Variants in NXPH1 observed in about 807,000 individuals in gnomAD.
The protein encoded by NXPH1 is neurexophilin 1, also known as neurexophilin-1.
A neutral mutation model predicts 23.7 loss-of-function variants in NXPH1; 5 were observed. That is an observed-to-expected ratio of 0.21 (90% CI 0.11 to 0.44). The LOEUF is 0.44. Among genes scored for constraint, NXPH1 ranks in the 20% least tolerant of loss-of-function variants. The pLI, the probability that NXPH1 is intolerant of heterozygous loss-of-function variation, is 0.99. For synonymous variants in NXPH1, 144 were observed against 122.2 expected (o/e 1.18, Z -1.18); for missense variants, 324 against 321.6 (o/e 1.01, Z -0.06).
chr7:8,694,541 T>C (rs567976902), intron 2 of NXPH1, among the ~76,000 whole-genome samples: 8 of 152,312 alleles, frequency 5.3e-5, no homozygotes, highest in African/African-American at 1.9e-4. Context: ...CTATGAAACT[T>C]TGAATTCTTA....
intron 2 of NXPH1, among the ~76,000 whole-genome samples, chr7:8,663,276 C>T (rs920469337): frequency 3.9e-5 from 6 of 152,052 alleles, no homozygotes; most frequent in Admixed American, 1.3e-4. Flanking sequence ...TCATCCCTTT[C>T]GCACTCACAG....
Position 8,710,640 on chromosome 7 carries a change from G to GGTTTTTTTTTTTTTTTTTTTTTTTT in NXPH1, c.55-40368_55-40367insGTTTTTTTTTTTTTTTTTTTTTTTT. ...TTGAACAAAGCATGTCAACTGTTAC[G>GGTTTTTTTTTTTTTTTTTTTTTTTT]TTTTTTGTTTTTTTTTTTTTTTTTT... On this transcript the variant is annotated intron_variant, in intron 2 of 2. Coordinates refer to ENST00000405863, the MANE Select transcript of NXPH1 (RefSeq NM_152745.3). Among the ~76,000 whole-genome samples the GGTTTTTTTTTTTTTTTTTTTTTTTT allele has an allele frequency of 7.2e-5, 2 of 27,672 alleles. 1 individual carries two copies. The allele number at this position is 27,672 out of a possible 152,430, so 18.2% of individuals were successfully genotyped here.
intron 2 of NXPH1, among the ~76,000 whole-genome samples, chr7:8,732,157 C>G (rs918112482): frequency 6.6e-6 from 1 of 152,234 alleles, no homozygotes; most frequent in African/African-American, 2.4e-5. Context: ...CTCCCTGACC[C>G]CTTGCGCTTC....
chr7:8,684,019 G>A (rs973005182), intron 2 of NXPH1, among the ~76,000 whole-genome samples: 4 of 152,118 alleles, frequency 2.6e-5, no homozygotes, highest in African/African-American at 9.7e-5. Context: ...AATTTGGTGG[G>A]GCACAGCACT....
At chr7:8,521,657 G>A (rs746870434) in intron 2 of NXPH1, among the ~76,000 whole-genome samples, 5 of 152,268 alleles carry the variant, frequency 3.3e-5, no homozygotes, top group Non-Finnish European at 4.4e-5. Context: ...GAAGGGGTTC[G>A]CAATTGAGAT....
chr7:8,599,084 A>G (rs776882951), intron 2 of NXPH1, among the ~76,000 whole-genome samples: 3 of 152,170 alleles, frequency 2.0e-5, no homozygotes, highest in Non-Finnish European at 4.4e-5. Flanking sequence ...GGCAGTAGAC[A>G]TGCAAACAGT....
intron 2 of NXPH1, among the ~76,000 whole-genome samples, chr7:8,559,615 T>G (rs185228840): frequency 6.0e-4 from 91 of 151,866 alleles, no homozygotes; most frequent in African/African-American, 1.9e-3. Flanking sequence ...ATGAGCTTTT[T>G]TCCTCAGTTA....
chr7:8,728,782 A>G lies in NXPH1; in HGVS notation c.55-22226A>G, dbSNP rs1381240554. Among the ~76,000 whole-genome samples the G allele has an allele frequency of 2.6e-5, 4 of 152,302 alleles. No individual in the cohort carries two copies. In the East Asian group the frequency reaches 5.8e-4, roughly 22 times the overall value. On this transcript the variant is annotated intron_variant, in intron 2 of 2. Coordinates refer to ENST00000405863, the MANE Select transcript of NXPH1 (RefSeq NM_152745.3). Reference sequence around the variant, plus strand: ...ATTTTTGCATCAATATTCATCAAGGATATTGGTCTACAATTCTCTTTTTTG... The same window carrying G: ...ATTTTTGCATCAATATTCATCAAGGGTATTGGTCTACAATTCTCTTTTTTG...
chr7:8,575,160 T>A (rs1381173560), intron 2 of NXPH1, among the ~76,000 whole-genome samples: 2 of 152,172 alleles, frequency 1.3e-5, no homozygotes, highest in Non-Finnish European at 2.9e-5. Flanking sequence ...CAGAATGAAT[T>A]TTTGCTTAAA....
In NXPH1 at chr7:8,435,574, C is replaced by A; in HGVS notation, c.-110-30C>A. 1 of 762,294 alleles carries A rather than the reference C, an allele frequency of 1.3e-6. No homozygotes were observed. Among genetic ancestry groups the A allele is most frequent in the South Asian group, 1.5e-5 (1 of 65,412 alleles). 47.2% of individuals were successfully genotyped at this position (762,294 alleles called of 1,614,324 possible). A position where few individuals can be genotyped will look rare whatever the true frequency, so the allele number is the denominator to read the frequency against. ...TCAAGCCTAACCTTGCCCGCGTAGT[C>A]ATGGGATGTCTAATTTTATTTGCAT... On this transcript the variant is annotated intron_variant, in intron 1 of 2. Transcript: ENST00000405863. The surrounding 1 kb of genome is among the most constrained non-coding windows in gnomAD (Gnocchi z 5.9).
intron 2 of NXPH1, among the ~76,000 whole-genome samples, chr7:8,467,106 T>C (rs998036346): frequency 6.6e-6 from 1 of 152,192 alleles, no homozygotes; most frequent in African/African-American, 2.4e-5. Flanking sequence ...AAAAATTATT[T>C]GGTATATGAA....
At chr7:8,610,229 C>A (rs559696043) in intron 2 of NXPH1, among the ~76,000 whole-genome samples, 1 of 152,120 alleles carries the variant, frequency 6.6e-6, no homozygotes, top group East Asian at 1.9e-4. Flanking sequence ...GAAAGGAGAG[C>A]CTTTCTGTGA....
chr7:8,739,187 A>C (rs926746139), intron 2 of NXPH1, among the ~76,000 whole-genome samples: 18 of 149,978 alleles, frequency 1.2e-4, no homozygotes, highest in African/African-American at 3.4e-4. Flanking sequence ...AAAAAAAAAA[A>C]AAAAAAAAAA....
At chr7:8,473,335 A>G (rs1816905252) in intron 2 of NXPH1, among the ~76,000 whole-genome samples, 1 of 152,150 alleles carries the variant, frequency 6.6e-6, no homozygotes, top group South Asian at 2.1e-4. Context: ...TATGTTATCC[A>G]TCATAAATGT....
At chr7:8,483,573 G>A (rs934919414) in intron 2 of NXPH1, among the ~76,000 whole-genome samples, 13 of 152,132 alleles carry the variant, frequency 8.5e-5, no homozygotes, top group South Asian at 6.2e-4. Context: ...CCTCCCAAAC[G>A]GCTGGGATTA....
rs747962888 is a variant in NXPH1, at chr7:8,442,989, A to G, written c.54+7222A>G. Among the ~76,000 whole-genome samples the G allele has an allele frequency of 5.9e-5, 9 of 152,212 alleles. No individual in the cohort carries two copies. Among genetic ancestry groups the G allele is most frequent in the Non-Finnish European group, 1.2e-4 (8 of 68,022 alleles). On this transcript the variant is annotated intron_variant, in intron 2 of 2. Coordinates refer to ENST00000405863, the MANE Select transcript of NXPH1 (RefSeq NM_152745.3). This position sits in a 1 kb window ranked among gnomAD's most constrained non-coding sequence, Gnocchi z 4.6. ...AGAGCGACTCTTCAGCACCACGGCC[A>G]GCGCCACAGGCTCCGCCCCGCCTGG...
intron 2 of NXPH1, among the ~76,000 whole-genome samples, chr7:8,471,464 A>G (rs117931345): frequency 0.026 from 3,921 of 152,234 alleles, 78 homozygotes; most frequent in Middle Eastern, 0.044. Context: ...CACAGTCTCA[A>G]TTCTGCTACT....
At chr7:8,577,755 G>C (rs574991834) in intron 2 of NXPH1, among the ~76,000 whole-genome samples, 5 of 152,152 alleles carry the variant, frequency 3.3e-5, no homozygotes, top group Admixed American at 1.3e-4. Context: ...CAAGTATTAC[G>C]GAGGTGATGA....
chr7:8,611,609 T>G (rs1819622972), intron 2 of NXPH1, among the ~76,000 whole-genome samples: 1 of 152,096 alleles, frequency 6.6e-6, no homozygotes, highest in Admixed American at 6.6e-5. Flanking sequence ...GGCACTGAAA[T>G]AGGGAAAGAA....
Sources: allele counts gnomAD v4.1 joint callset (sites outside exome capture counted in the v4.1 genomes callset), GRCh38; gene constraint gnomAD v4.1.1; non-coding constraint Gnocchi (gnomAD v3.1); transcripts MANE v1.5; gene names NCBI Gene and HGNC (gene_info 2026-07-23, HGNC 2026-07-21).